Variants in LINGO2 observed in about 807,000 individuals in gnomAD.
LINGO2 encodes leucine-rich repeat and immunoglobulin-like domain-containing nogo receptor-interacting protein 2.
Under a neutral mutation model 30.6 loss-of-function variants are expected in LINGO2, and 14 were observed. That is an observed-to-expected ratio of 0.46 (90% confidence interval 0.30 to 0.72). The LOEUF (loss-of-function observed/expected upper bound fraction) is 0.72, where lower values mean the gene tolerates loss of function less well. LINGO2 is among the 30% of genes least tolerant of loss of function. The probability of loss-of-function intolerance (pLI) is 0.07; values close to 1 mark genes in which losing one functional copy is unlikely to be tolerated. For synonymous variants in LINGO2, 317 were observed against 288.5 expected, an observed-to-expected ratio of 1.10 and a Z score of -1.00; for missense variants, 729 against 751.7, an observed-to-expected ratio of 0.97 and a Z score of 0.35.
chr9:28,146,861 A>C (rs970737145), intron 4 of LINGO2, among the ~76,000 whole-genome samples: 8 of 152,242 alleles, frequency 5.3e-5, no homozygotes, highest in Non-Finnish European at 7.3e-5. Context: ...CTTTCTAGAC[A>C]CATTCCAGGA....
At chr9:28,615,247 T>A (rs970413746) in intron 1 of LINGO2, among the ~76,000 whole-genome samples, 5 of 152,184 alleles carry the variant, frequency 3.3e-5, no homozygotes, top group Admixed American at 1.3e-4. Flanking sequence ...CATGGATAAT[T>A]CAATGATATG....
At chr9:28,602,680 A>G (rs76275782) in intron 1 of LINGO2, among the ~76,000 whole-genome samples, 1,563 of 152,198 alleles carry the variant, frequency 0.01, 23 homozygotes, top group South Asian at 0.018. Context: ...AGCTATTCAG[A>G]GAAATAAAAG....
chr9:28,903,964 A>C, the LINGO2 span, among the ~76,000 whole-genome samples: 1 of 152,126 alleles, frequency 6.6e-6, no homozygotes, highest in Non-Finnish European at 1.5e-5. Context: ...TCCTCAACAA[A>C]ATACTAGCAA....
At chr9:28,110,438 T>C (rs1826740798) in intron 4 of LINGO2, among the ~76,000 whole-genome samples, 1 of 152,182 alleles carries the variant, frequency 6.6e-6, no homozygotes, top group East Asian at 1.9e-4. Context: ...AAAAGAAAAG[T>C]AGCATCAGAG....
chr9:28,743,768 T>G, the LINGO2 span, among the ~76,000 whole-genome samples: 1 of 151,874 alleles, frequency 6.6e-6, no homozygotes, highest in South Asian at 2.1e-4. Flanking sequence ...CTTCCAAAAT[T>G]TTGACTATAA....
intron 1 of LINGO2, among the ~76,000 whole-genome samples, chr9:28,553,851 C>A (rs1395233178): frequency 6.6e-6 from 1 of 152,068 alleles, no homozygotes; most frequent in African/African-American, 2.4e-5. Flanking sequence ...ATTCAACATT[C>A]TTGAAGAAAA....
intron 1 of LINGO2, among the ~76,000 whole-genome samples, chr9:28,651,934 A>G (rs556290795): frequency 6.6e-6 from 1 of 152,162 alleles, no homozygotes; most frequent in East Asian, 1.9e-4. Context: ...CTTTAACTTT[A>G]TTTACTTGTA....
At chr9:28,422,571 G>A (rs1343308717) in intron 2 of LINGO2, among the ~76,000 whole-genome samples, 1 of 152,054 alleles carries the variant, frequency 6.6e-6, no homozygotes. Flanking sequence ...TATACAGTTA[G>A]TAGGGGTGTA....
chr9:28,174,696 G>A (rs1047948176), intron 4 of LINGO2, among the ~76,000 whole-genome samples: 1 of 152,158 alleles, frequency 6.6e-6, no homozygotes, highest in Non-Finnish European at 1.5e-5. Context: ...ACACCGTATG[G>A]TGAATGCATG....
At chr9:28,883,653 T>TATATATATATAC in the LINGO2 span, among the ~76,000 whole-genome samples, 1 of 126,202 alleles carries the variant, frequency 7.9e-6, no homozygotes, top group Non-Finnish European at 1.7e-5. Context: ...TATATATATA[T>TATATATATATAC]ATATATATAT....
chr9:28,796,406 AT>A, the LINGO2 span, among the ~76,000 whole-genome samples: 2 of 152,054 alleles, frequency 1.3e-5, no homozygotes, highest in African/African-American at 4.8e-5. Flanking sequence ...TCTCAAAATT[AT>A]TTTTTTAGGT....
chr9:28,732,628 A>T, the LINGO2 span, among the ~76,000 whole-genome samples: 1 of 152,230 alleles, frequency 6.6e-6, no homozygotes, highest in Non-Finnish European at 1.5e-5. Context: ...AGATAAATGA[A>T]ATAAATATAA....
the LINGO2 span, among the ~76,000 whole-genome samples, chr9:28,797,307 T>C: frequency 7.0e-6 from 1 of 143,568 alleles, no homozygotes; most frequent in Non-Finnish European, 1.5e-5. Flanking sequence ...TATACAGCAA[T>C]GTATATGTGA....
the LINGO2 span, among the ~76,000 whole-genome samples, chr9:28,733,092 T>C: frequency 4.9e-4 from 75 of 152,312 alleles, no homozygotes; most frequent in Admixed American, 9.8e-4. Flanking sequence ...TAAGAGTATA[T>C]TGCTTAAAAC....
intron 3 of LINGO2, among the ~76,000 whole-genome samples, chr9:28,301,352 C>A (rs572754462): frequency 6.6e-6 from 1 of 150,910 alleles, no homozygotes; most frequent in South Asian, 2.1e-4. Flanking sequence ...TTGGCAAAAT[C>A]CATGACAAGT....
chr9:28,638,372 T>C (rs1420880538), intron 1 of LINGO2, among the ~76,000 whole-genome samples: 2 of 152,212 alleles, frequency 1.3e-5, no homozygotes, highest in East Asian at 3.8e-4. Flanking sequence ...TTATATTGAT[T>C]GGAATAGTTT....
At chr9:29,071,174 G>GTATTA in the LINGO2 span, among the ~76,000 whole-genome samples, 4 of 146,998 alleles carry the variant, frequency 2.7e-5, no homozygotes, top group South Asian at 2.1e-4. Flanking sequence ...GTATTGTATT[G>GTATTA]TATTGTATTG....
At chr9:29,028,428 GT>G in the LINGO2 span, among the ~76,000 whole-genome samples, 18 of 3,818 alleles carry the variant, frequency 4.7e-3, no homozygotes, top group Non-Finnish European at 0.012. Flanking sequence ...GTGGGGGGGG[GT>G]GAGAGAGAGA....
the LINGO2 span, among the ~76,000 whole-genome samples, chr9:29,036,914 T>C: frequency 6.6e-6 from 1 of 151,964 alleles, no homozygotes; most frequent in South Asian, 2.1e-4. Context: ...TGAAATTTAT[T>C]AATTGAAAAA....
Sources: gnomAD v4.1 joint callset for allele counts (sites outside exome capture counted in the v4.1 genomes callset) on GRCh38, gnomAD v4.1.1 for gene constraint, MANE v1.5 for transcripts, NCBI Gene and HGNC (gene_info 2026-07-23, HGNC 2026-07-21) for gene names.